The following FNDC3B variants were observed in gnomAD, a reference collection of about 807,000 sequenced individuals.
FNDC3B encodes fibronectin type III domain containing 3B.
FNDC3B carries 12 observed loss-of-function variants against 151.5 expected under a neutral mutation model. That is an observed-to-expected ratio of 0.08 (90% CI 0.05 to 0.13). The LOEUF is 0.13. Among genes scored for constraint, FNDC3B ranks in the 10% least tolerant of loss-of-function variants. FNDC3B has a pLI of 1.00. For missense variants in FNDC3B, 1,214 were observed against 1,505.3 expected (o/e 0.81, Z 3.20); for synonymous variants, 528 against 549.0 (o/e 0.96, Z 0.54).
chr3:172,223,807 C>T (rs1343629762), intron 3 of FNDC3B, among the ~76,000 whole-genome samples: 1 of 152,040 alleles, frequency 6.6e-6, no homozygotes, highest in Non-Finnish European at 1.5e-5. Flanking sequence ...AAAAAGCAAC[C>T]AAAACTATCT....
intron 25 of FNDC3B, among the ~76,000 whole-genome samples, chr3:172,392,434 A>G (rs1395619215): frequency 1.3e-5 from 2 of 152,242 alleles, no homozygotes; most frequent in South Asian, 2.1e-4. Context: ...TGCTTGAAGT[A>G]AAGTTTGAAA....
chr3:172,339,947 G>A (rs1026807938), intron 16 of FNDC3B, among the ~76,000 whole-genome samples: 1 of 152,236 alleles, frequency 6.6e-6, no homozygotes, highest in South Asian at 2.1e-4. Context: ...GCCGCTGGGG[G>A]AATTTGTGGA....
At chr3:172,390,103 T>C (rs1347923925) in intron 25 of FNDC3B, among the ~76,000 whole-genome samples, 2 of 152,224 alleles carry the variant, frequency 1.3e-5, no homozygotes, top group Non-Finnish European at 2.9e-5. Context: ...TCGCTGAGCA[T>C]CTACTTTGTT....
chr3:172,303,012 A>T (rs1279746750), intron 9 of FNDC3B: 2 of 104,186 alleles, frequency 1.9e-5, no homozygotes, highest in African/African-American at 1.0e-4. Context: ...TATTTTAAAT[A>T]CTTATATATA....
At chr3:172,148,701 A>G (rs570650203) in intron 3 of FNDC3B, 6 of 152,170 alleles carry the variant, frequency 3.9e-5, no homozygotes, top group Non-Finnish European at 8.8e-5. Context: ...TCAAGCGTCA[A>G]ATTATTGATT....
chr3:172,206,614 G>T (rs1486597686), intron 3 of FNDC3B, among the ~76,000 whole-genome samples: 1 of 126,938 alleles, frequency 7.9e-6, no homozygotes, highest in African/African-American at 3.1e-5. Context: ...AGCCGAGACT[G>T]CACCATTGCA....
chr3:172,188,765 C>T (rs1005909056), intron 3 of FNDC3B, among the ~76,000 whole-genome samples: 18 of 152,122 alleles, frequency 1.2e-4, no homozygotes, highest in African/African-American at 4.1e-4. Flanking sequence ...TGAGCACACA[C>T]CCTGCACATT....
intron 3 of FNDC3B, among the ~76,000 whole-genome samples, chr3:172,204,018 T>G (rs954245178): frequency 2.0e-5 from 3 of 152,232 alleles, no homozygotes; most frequent in Admixed American, 1.3e-4. Context: ...TTCTTTCTGC[T>G]GTGAACTAAT....
intron 21 of FNDC3B, among the ~76,000 whole-genome samples, chr3:172,350,284 A>C (rs895155533): frequency 1.3e-5 from 2 of 152,214 alleles, no homozygotes; most frequent in Non-Finnish European, 2.9e-5. Flanking sequence ...TGAGGAAACA[A>C]GCTCAGAGAA....
chr3:172,297,680 T>C (rs1403056903), intron 8 of FNDC3B, among the ~76,000 whole-genome samples: 2 of 152,040 alleles, frequency 1.3e-5, no homozygotes, highest in Non-Finnish European at 2.9e-5. Flanking sequence ...TTCACCGTGT[T>C]AGCCAGGATG....
chr3:172,391,706 C>T (rs190365664), intron 25 of FNDC3B, among the ~76,000 whole-genome samples: 18 of 152,262 alleles, frequency 1.2e-4, no homozygotes, highest in African/African-American at 4.1e-4. Flanking sequence ...ATTAACTTAT[C>T]GCCACCATAG....
At position 172,352,789 on chromosome 3, in the gene FNDC3B, G is replaced by A. The variant is rs1487688416; in HGVS notation, c.2515-14G>A. On this transcript the variant is annotated splice_polypyrimidine_tract_variant and intron_variant, in intron 21 of 25. Coordinates refer to ENST00000415807, the MANE Select transcript of FNDC3B (RefSeq NM_022763.4). This position sits in a 1 kb window ranked among gnomAD's most constrained non-coding sequence, Gnocchi z 4.2. ...GGTGTAATATGGCCTTTGTCTTGCT[G>A]TTCTGTTTTGTAGGCCTTCAATCAA... 3 of 1,610,922 alleles carry A rather than the reference G, an allele frequency of 1.9e-6. No individual in the cohort carries two copies. In the South Asian group the frequency reaches 3.3e-5, roughly 18 times the overall value.
At chr3:172,135,044 T>C (rs1471465046) in intron 3 of FNDC3B, among the ~76,000 whole-genome samples, 1 of 151,632 alleles carries the variant, frequency 6.6e-6, no homozygotes, top group Non-Finnish European at 1.5e-5. Context: ...CTATATGGGA[T>C]GAAGCTGAAG....
At chr3:172,177,630 T>TC (rs1485262978) in intron 3 of FNDC3B, among the ~76,000 whole-genome samples, 1 of 145,784 alleles carries the variant, frequency 6.9e-6, no homozygotes, top group Non-Finnish European at 1.5e-5. Flanking sequence ...CACCATCTTT[T>TC]TTTTTTTTTT....
At chr3:172,226,554 T>C (rs1262456491) in intron 3 of FNDC3B, among the ~76,000 whole-genome samples, 1 of 152,150 alleles carries the variant, frequency 6.6e-6, no homozygotes, top group Non-Finnish European at 1.5e-5. Flanking sequence ...AGAAAGAAAC[T>C]TTTTGCCCCA....
intron 1 of FNDC3B, among the ~76,000 whole-genome samples, chr3:172,077,268 GA>G (rs887654584): frequency 1.1e-4 from 17 of 152,242 alleles, no homozygotes; most frequent in African/African-American, 3.9e-4. Context: ...AAACTAGTCT[GA>G]TTTTTTTTCC....
intron 3 of FNDC3B, among the ~76,000 whole-genome samples, chr3:172,156,454 A>T (rs1030711687): frequency 3.3e-5 from 5 of 152,226 alleles, no homozygotes; most frequent in African/African-American, 1.2e-4. Flanking sequence ...ATAGCCAGGC[A>T]GGTTGCTGCC....
intron 3 of FNDC3B, among the ~76,000 whole-genome samples, chr3:172,162,699 T>C (rs1316982816): frequency 6.6e-6 from 1 of 151,856 alleles, no homozygotes; most frequent in Non-Finnish European, 1.5e-5. Flanking sequence ...ATTTTATGTG[T>C]TTTTTAATTC....
At chr3:172,213,286 G>C (rs1433878691) in intron 3 of FNDC3B, among the ~76,000 whole-genome samples, 2 of 152,182 alleles carry the variant, frequency 1.3e-5, no homozygotes. Flanking sequence ...GTGATCCCTA[G>C]ACAAGTATGA....
Sources: gnomAD v4.1 joint callset for allele counts (sites outside exome capture counted in the v4.1 genomes callset) on GRCh38, gnomAD v4.1.1 for gene constraint, Gnocchi (gnomAD v3.1) non-coding constraint, MANE v1.5 for transcripts, NCBI Gene and HGNC (gene_info 2026-07-23, HGNC 2026-07-21) for gene names.